Variants in MGAT5 observed in about 807,000 individuals in gnomAD.
The protein encoded by MGAT5 is alpha-1,6-mannosylglycoprotein 6-beta-N-acetylglucosaminyltransferase A.
In MGAT5, 30 loss-of-function variants were observed where a neutral mutation model predicts 94.3. That is an observed-to-expected ratio of 0.32 (90% CI 0.24 to 0.43). The LOEUF is 0.43. Among genes scored for constraint, MGAT5 ranks in the 20% least tolerant of loss-of-function variants. The pLI, the probability that MGAT5 is intolerant of heterozygous loss-of-function variation, is 1.00. For missense variants in MGAT5, 691 were observed against 905.5 expected (o/e 0.76, Z 3.04); for synonymous variants, 310 against 322.9 (o/e 0.96, Z 0.43).
intron 9 of MGAT5, among the ~76,000 whole-genome samples, chr2:134,358,428 T>A (rs1189458556): frequency 3.3e-5 from 5 of 152,226 alleles, no homozygotes; most frequent in African/African-American, 4.8e-5. Context: ...TAAATCCATT[T>A]GTATTTAGGA....
intron 2 of MGAT5, among the ~76,000 whole-genome samples, chr2:134,278,356 CCA>C (rs1407602761): frequency 6.6e-6 from 1 of 152,116 alleles, no homozygotes; most frequent in Non-Finnish European, 1.5e-5. Flanking sequence ...GTTTTCAGTC[CCA>C]GACGGCTGTG....
chr2:134,189,052 G>T (rs1165518391), intron 1 of MGAT5, among the ~76,000 whole-genome samples: 1 of 152,232 alleles, frequency 6.6e-6, no homozygotes, highest in Non-Finnish European at 1.5e-5. Flanking sequence ...ACTAGGGTGT[G>T]TCACCTGCCT....
chr2:134,418,913 G>T (rs1684123382), intron 12 of MGAT5, among the ~76,000 whole-genome samples: 1 of 152,140 alleles, frequency 6.6e-6, no homozygotes, highest in Non-Finnish European at 1.5e-5. Flanking sequence ...TGTCCAGGTG[G>T]GTTACCCTGT....
chr2:134,166,415 T>G (rs1687967127), intron 1 of MGAT5, among the ~76,000 whole-genome samples: 1 of 152,236 alleles, frequency 6.6e-6, no homozygotes, highest in Non-Finnish European at 1.5e-5. Context: ...CATTCTGGGT[T>G]TCTGGGCATT....
At chr2:134,433,445 C>A (rs1684996798) in intron 14 of MGAT5, among the ~76,000 whole-genome samples, 1 of 152,146 alleles carries the variant, frequency 6.6e-6, no homozygotes, top group African/African-American at 2.4e-5. Context: ...TCTGGCTCTT[C>A]AAAGGTGAGT....
intron 1 of MGAT5, among the ~76,000 whole-genome samples, chr2:134,137,668 T>C (rs1268042875): frequency 3.3e-5 from 5 of 152,162 alleles, no homozygotes; most frequent in African/African-American, 9.7e-5. Flanking sequence ...TATGAAAAGA[T>C]AATGGGAATA....
intron 13 of MGAT5, among the ~76,000 whole-genome samples, chr2:134,423,480 T>G (rs1684412293): frequency 6.6e-6 from 1 of 152,100 alleles, no homozygotes; most frequent in Non-Finnish European, 1.5e-5. Flanking sequence ...TCCATAATCA[T>G]AGAGGAGGCT....
At chr2:134,224,403 A>G (rs1376228116) in intron 1 of MGAT5, among the ~76,000 whole-genome samples, 1 of 152,206 alleles carries the variant, frequency 6.6e-6, no homozygotes, top group East Asian at 1.9e-4. Flanking sequence ...AGATTGGGAT[A>G]TAGTCAATGA....
intron 14 of MGAT5, 58 bp downstream of exon 14, chr2:134,428,497 A>C: frequency 6.8e-7 from 1 of 1,469,922 alleles, no homozygotes; most frequent in South Asian, 1.1e-5. Context: ...GTGACGCCAT[A>C]GGGCTCTCAA....
intron 1 of MGAT5, among the ~76,000 whole-genome samples, chr2:134,178,085 T>G (rs1264967582): frequency 1.3e-5 from 2 of 152,148 alleles, no homozygotes; most frequent in African/African-American, 4.8e-5. Context: ...TTGTTTTGTT[T>G]TGTTTTTTTC....
rs1426532466 is a variant in MGAT5, at chr2:134,268,953, C to T, written c.242-1433C>T. ...CCAGGTTCTTGACTTCTGATTGGTC[C>T]CATTGAGATGTCAGGGAATTAAGCA... On this transcript the variant is annotated intron_variant, in intron 1 of 15. Coordinates refer to ENST00000281923, the MANE Select transcript of MGAT5 (RefSeq NM_002410.5). The surrounding 1 kb of genome is among the most constrained non-coding windows in gnomAD (Gnocchi z 4.1). Among the ~76,000 whole-genome samples, 1 of 152,094 alleles carries T rather than the reference C, an allele frequency of 6.6e-6. No homozygotes were observed. Among genetic ancestry groups the T allele is most frequent in the East Asian group, 1.9e-4 (1 of 5,194 alleles).
At chr2:134,329,751 C>T (rs1687851706) in intron 4 of MGAT5, among the ~76,000 whole-genome samples, 2 of 152,056 alleles carry the variant, frequency 1.3e-5, no homozygotes, top group Non-Finnish European at 2.9e-5. Context: ...GCTCCTAGTA[C>T]ATCGCAACTT....
At chr2:134,128,314 G>A (rs1276619197) in intron 1 of MGAT5, among the ~76,000 whole-genome samples, 1 of 152,174 alleles carries the variant, frequency 6.6e-6, no homozygotes, top group Non-Finnish European at 1.5e-5. Context: ...AGAGCTGCAG[G>A]TTTGGAGTAG....
At chr2:134,362,433 C>G (rs1270376411) in intron 10 of MGAT5, 25 bp downstream of exon 10, 1 of 1,603,818 alleles carries the variant, frequency 6.2e-7, no homozygotes, top group Non-Finnish European at 8.5e-7. Flanking sequence ...GCGTGTCTCT[C>G]TCTCTGAAAA....
At chr2:134,252,969 G>A (rs189154519), upstream of MGAT5, 2 of 152,254 alleles carry the variant, frequency 1.3e-5, no homozygotes, top group South Asian at 2.1e-4. Flanking sequence ...AAACAGAGAC[G>A]ATAATATTCA....
chr2:134,284,269 G>A (rs1573700868), intron 2 of MGAT5, among the ~76,000 whole-genome samples: 1 of 152,096 alleles, frequency 6.6e-6, no homozygotes, highest in Non-Finnish European at 1.5e-5. Context: ...CCTGTGTCAG[G>A]GGTCAACAAA....
chr2:134,326,775 T>C (rs1482177334), intron 4 of MGAT5, among the ~76,000 whole-genome samples: 2 of 152,094 alleles, frequency 1.3e-5, no homozygotes, highest in East Asian at 1.9e-4. Flanking sequence ...GAAGTACTTA[T>C]GAGAAGTGAT....
intron 12 of MGAT5, among the ~76,000 whole-genome samples, chr2:134,420,100 C>T (rs1317979241): frequency 6.6e-6 from 1 of 152,134 alleles, no homozygotes; most frequent in Non-Finnish European, 1.5e-5. Flanking sequence ...TCCTTTTTAT[C>T]CAAAGCTAAG....
rs10628858 is a variant in MGAT5 at position 134,257,836 on chromosome 2, C to CTTTTTTTTTTTTTTTTTT, written c.241+3194_241+3211dup. Reference sequence around the variant, plus strand: ...TGCATAGGCCATTAGTTTGCAGTCTCTTTTTTTTTTTTTTTTTTTGCCATA... The same window carrying CTTTTTTTTTTTTTTTTTT: ...TGCATAGGCCATTAGTTTGCAGTCTCTTTTTTTTTTTTTTTTTTTTTTTTTTTTTTTTTTTTTGCCATA... On this transcript the variant is annotated intron_variant, in intron 1 of 15. Transcript: ENST00000281923. Among the ~76,000 whole-genome samples the CTTTTTTTTTTTTTTTTTT allele has an allele frequency of 1.9e-5, 2 of 106,414 alleles. 1 individual carries two copies. Among genetic ancestry groups the CTTTTTTTTTTTTTTTTTT allele is most frequent in the African/African-American group, 7.3e-5 (2 of 27,344 alleles). 69.8% of individuals were successfully genotyped at this position (106,414 alleles called of 152,430 possible). A position where few individuals can be genotyped will look rare whatever the true frequency, so the allele number is the denominator to read the frequency against.
Sources: gnomAD v4.1 joint callset for allele counts (sites outside exome capture counted in the v4.1 genomes callset) on GRCh38, gnomAD v4.1.1 for gene constraint, Gnocchi (gnomAD v3.1) non-coding constraint, MANE v1.5 for transcripts, NCBI Gene and HGNC (gene_info 2026-07-23, HGNC 2026-07-21) for gene names.